NRXN3: variants seen among roughly 807,000 people sequenced by gnomAD.
The protein encoded by NRXN3 is neurexin III.
NRXN3 carries 32 observed loss-of-function variants against 137.6 expected under a neutral mutation model. The ratio of observed to expected loss-of-function variants is 0.23; its 90% CI spans 0.18 to 0.31. NRXN3 has a LOEUF of 0.31. Among genes scored for constraint, NRXN3 ranks in the 10% least tolerant of loss-of-function variants. The pLI is 1.00. For synonymous variants in NRXN3, 798 were observed against 784.5 expected, an observed-to-expected ratio of 1.02 and a Z score of -0.29; for missense variants, 1,574 against 2,062.5, an observed-to-expected ratio of 0.76 and a Z score of 4.59.
chr14:78,429,166 T>C (rs1296947580), intron 4 of NRXN3, among the ~76,000 whole-genome samples: 1 of 152,050 alleles, frequency 6.6e-6, no homozygotes, highest in Non-Finnish European at 1.5e-5. Context: ...ACCCTCCACC[T>C]CTTGGGTTCA....
At chr14:79,335,191 C>A (rs2092150623) in intron 15 of NRXN3, among the ~76,000 whole-genome samples, 1 of 152,038 alleles carries the variant, frequency 6.6e-6, no homozygotes, top group Non-Finnish European at 1.5e-5. Flanking sequence ...CAGGGATGTG[C>A]TCTTATGTTA....
chr14:78,874,129 G>A (rs1182897800), intron 10 of NRXN3, among the ~76,000 whole-genome samples: 1 of 151,936 alleles, frequency 6.6e-6, no homozygotes, highest in Non-Finnish European at 1.5e-5. Flanking sequence ...GCACCACCAT[G>A]TCCGGCTAAT....
At chr14:78,812,037 A>G (rs1372063310) in intron 10 of NRXN3, among the ~76,000 whole-genome samples, 4 of 152,112 alleles carry the variant, frequency 2.6e-5, no homozygotes, top group South Asian at 2.1e-4. Flanking sequence ...TTGAGATACA[A>G]TTTTCATACC....
At chr14:79,485,898 C>T (rs192796145) in intron 16 of NRXN3, among the ~76,000 whole-genome samples, 42 of 152,190 alleles carry the variant, frequency 2.8e-4, no homozygotes, top group African/African-American at 9.9e-4. Context: ...ATTCTGGCTT[C>T]CATTAGATGC....
At chr14:78,538,269 TG>T (rs2096555647) in intron 4 of NRXN3, among the ~76,000 whole-genome samples, 1 of 152,244 alleles carries the variant, frequency 6.6e-6, no homozygotes, top group South Asian at 2.1e-4. Flanking sequence ...TCCATTTGTT[TG>T]TATCCTCTTT....
At chr14:78,221,051 G>T (rs889827569) in intron 1 of NRXN3, among the ~76,000 whole-genome samples, 34 of 152,132 alleles carry the variant, frequency 2.2e-4, no homozygotes, top group African/African-American at 7.5e-4. Context: ...ATGGGGTTTT[G>T]GTTTCTAGTG....
At chr14:79,028,704 T>G (rs1443641837) in intron 15 of NRXN3, among the ~76,000 whole-genome samples, 1 of 151,950 alleles carries the variant, frequency 6.6e-6, no homozygotes, top group East Asian at 1.9e-4. Context: ...AGAGTCATGG[T>G]TGGTTAGGAT....
chr14:79,235,086 C>G (rs2073141347), intron 15 of NRXN3, among the ~76,000 whole-genome samples: 1 of 151,912 alleles, frequency 6.6e-6, no homozygotes, highest in Non-Finnish European at 1.5e-5. Context: ...AATGAATTCC[C>G]CCTTATCCCT....
intron 15 of NRXN3, among the ~76,000 whole-genome samples, chr14:79,053,087 G>C (rs2099644304): frequency 6.6e-6 from 1 of 152,138 alleles, no homozygotes; most frequent in Non-Finnish European, 1.5e-5. Flanking sequence ...CTATTTGCCT[G>C]TTCTATGCTA....
At chr14:78,857,800 T>C (rs2099061595) in intron 10 of NRXN3, among the ~76,000 whole-genome samples, 1 of 152,004 alleles carries the variant, frequency 6.6e-6, no homozygotes. Context: ...TATGATTAAT[T>C]AGAGGTGGTG....
intron 4 of NRXN3, among the ~76,000 whole-genome samples, chr14:78,430,970 C>A (rs1475818860): frequency 6.6e-6 from 1 of 152,104 alleles, no homozygotes; most frequent in Non-Finnish European, 1.5e-5. Context: ...GCATCTGCTT[C>A]ATTCCTCTGC....
At position 79,510,505 on chromosome 14, in the gene NRXN3, C is replaced by A. The variant is rs188673270; in HGVS notation, c.3444+43103C>A. The stretch of plus-strand genomic sequence containing the variant: ...CTTGCCTCACTCCTGCATGACAGGA[C>A]ATGTGTGTTCTTTACGTTAACTGAG... On this transcript the variant is annotated intron_variant, in intron 16 of 20. Transcript: ENST00000335750. 2.0e-5 allele frequency among the ~76,000 whole-genome samples: 3 copies of A among 152,290 alleles called. No individual in the cohort carries two copies. The East Asian group carries it at 5.8e-4, about 29-fold the overall frequency.
chr14:79,439,558 T>C (rs1401230607), intron 15 of NRXN3, among the ~76,000 whole-genome samples: 1 of 152,182 alleles, frequency 6.6e-6, no homozygotes, highest in Non-Finnish European at 1.5e-5. Context: ...ATGTTTTGCT[T>C]CCTAGCTCAG....
chr14:78,769,282 T>C (rs2098719222), intron 8 of NRXN3, among the ~76,000 whole-genome samples: 1 of 152,234 alleles, frequency 6.6e-6, no homozygotes, highest in Non-Finnish European at 1.5e-5. Context: ...AGGCTGTCGC[T>C]GTATCCAAAT....
At chr14:79,585,906 T>C (rs2097762255) in intron 16 of NRXN3, among the ~76,000 whole-genome samples, 1 of 152,164 alleles carries the variant, frequency 6.6e-6, no homozygotes, top group South Asian at 2.1e-4. Context: ...TTAATTACCA[T>C]GCCCACACCA....
intron 15 of NRXN3, among the ~76,000 whole-genome samples, chr14:79,297,054 C>T (rs190029970): frequency 3.1e-4 from 47 of 152,324 alleles, no homozygotes; most frequent in African/African-American, 1.1e-3. Context: ...AGAATCCTCA[C>T]TTCTTCCTTT....
intron 16 of NRXN3, among the ~76,000 whole-genome samples, chr14:79,501,963 T>G (rs879403335): frequency 2.0e-5 from 3 of 152,202 alleles, no homozygotes; most frequent in Admixed American, 6.5e-5. Flanking sequence ...TAAAAAAAGA[T>G]GTAGAGGCAC....
chr14:79,709,870 A>G (rs1007218839), intron 19 of NRXN3, among the ~76,000 whole-genome samples: 2 of 152,052 alleles, frequency 1.3e-5, no homozygotes, highest in African/African-American at 4.8e-5. Context: ...TATTATTATT[A>G]TCATTATTAG....
At chr14:78,199,481 T>G (rs2061492809) in intron 1 of NRXN3, among the ~76,000 whole-genome samples, 1 of 152,216 alleles carries the variant, frequency 6.6e-6, no homozygotes, top group Non-Finnish European at 1.5e-5. Context: ...ATTTTTTTAT[T>G]CCTGTGAACA....
Sources: gnomAD v4.1 joint callset for allele counts (sites outside exome capture counted in the v4.1 genomes callset) on GRCh38, gnomAD v4.1.1 for gene constraint, MANE v1.5 for transcripts, NCBI Gene and HGNC (gene_info 2026-07-23, HGNC 2026-07-21) for gene names.